The following SH3RF3 variants were observed in gnomAD, a reference collection of about 807,000 sequenced individuals.
SH3RF3 encodes SH3 domain containing ring finger 3.
SH3RF3 carries 29 observed loss-of-function variants against 66.3 expected under a neutral mutation model. That is an observed-to-expected ratio of 0.44 (90% CI 0.33 to 0.60). The LOEUF (loss-of-function observed/expected upper bound fraction) is 0.60, where lower values mean the gene tolerates loss of function less well. Among genes scored for constraint, SH3RF3 ranks in the 20% least tolerant of loss-of-function variants. SH3RF3 has a pLI of 0.04. For missense variants in SH3RF3, 1,194 were observed against 1,190.9 expected, an observed-to-expected ratio of 1.00 and a Z score of -0.04; for synonymous variants, 583 against 532.0, an observed-to-expected ratio of 1.10 and a Z score of -1.32.
chr2:109,227,695 T>TCA (rs1260133280), intron 1 of SH3RF3, among the ~76,000 whole-genome samples: 1 of 152,196 alleles, frequency 6.6e-6, no homozygotes, highest in Non-Finnish European at 1.5e-5. Context: ...TCCCTGCAGG[T>TCA]CACAGGATCC....
At chr2:109,455,886 G>A (rs914329147) in intron 8 of SH3RF3, among the ~76,000 whole-genome samples, 5 of 152,180 alleles carry the variant, frequency 3.3e-5, no homozygotes, top group African/African-American at 4.8e-5. Context: ...GGGTGGGGAG[G>A]GGCCTGCTGT....
chr2:109,336,747 A>G (rs145512398), intron 1 of SH3RF3, among the ~76,000 whole-genome samples: 3 of 152,388 alleles, frequency 2.0e-5, no homozygotes, highest in African/African-American at 4.8e-5. Context: ...GATTTCCATT[A>G]CAAAGTTGGC....
intron 8 of SH3RF3, among the ~76,000 whole-genome samples, chr2:109,486,374 C>T (rs775583748): frequency 5.3e-5 from 8 of 152,120 alleles, no homozygotes; most frequent in East Asian, 3.9e-4. Flanking sequence ...CTCAGTGGTT[C>T]GGGTGCTCTC....
intron 3 of SH3RF3, among the ~76,000 whole-genome samples, chr2:109,381,769 G>A (rs1261095908): frequency 2.0e-5 from 3 of 152,080 alleles, no homozygotes; most frequent in South Asian, 4.1e-4. Context: ...CTCTCGCTTC[G>A]CAGAAGGGGA....
intron 1 of SH3RF3, among the ~76,000 whole-genome samples, chr2:109,331,838 A>C (rs1682293996): frequency 6.6e-6 from 1 of 152,154 alleles, no homozygotes; most frequent in Admixed American, 6.5e-5. Flanking sequence ...TGCCAGGGGC[A>C]CCCTGTCATG....
chr2:109,455,118 A>T (rs1237048055), intron 8 of SH3RF3, among the ~76,000 whole-genome samples: 1 of 152,164 alleles, frequency 6.6e-6, no homozygotes, highest in Non-Finnish European at 1.5e-5. Flanking sequence ...TGGCATGGGA[A>T]TGCTGGCCTC....
intron 1 of SH3RF3, among the ~76,000 whole-genome samples, chr2:109,250,789 A>G (rs1394403340): frequency 6.6e-6 from 1 of 151,952 alleles, no homozygotes; most frequent in Non-Finnish European, 1.5e-5. Flanking sequence ...AAGTGCTTCA[A>G]TAGGGAATTA....
intron 1 of SH3RF3, among the ~76,000 whole-genome samples, chr2:109,174,729 C>T (rs985331595): frequency 4.6e-5 from 7 of 152,224 alleles, no homozygotes; most frequent in African/African-American, 1.4e-4. Context: ...TTTAACCCAG[C>T]GTCTTTGGAG....
chr2:109,277,296 C>T (rs1680778886), intron 1 of SH3RF3, among the ~76,000 whole-genome samples: 1 of 152,190 alleles, frequency 6.6e-6, no homozygotes, highest in Admixed American at 6.5e-5. Context: ...ATCAGGATCA[C>T]TGAGGTTTGC....
chr2:109,241,616 C>A (rs1379281897), intron 1 of SH3RF3, among the ~76,000 whole-genome samples: 2 of 152,114 alleles, frequency 1.3e-5, no homozygotes, highest in East Asian at 3.9e-4. Flanking sequence ...GTCAGCTCTG[C>A]TGGGAGGGCC....
chr2:109,253,129 G>A (rs1680134704), intron 1 of SH3RF3, among the ~76,000 whole-genome samples: 1 of 152,092 alleles, frequency 6.6e-6, no homozygotes, highest in Non-Finnish European at 1.5e-5. Flanking sequence ...ACGAGTTCAA[G>A]TGATTCTCCT....
At chr2:109,325,279 A>T (rs1218557051) in intron 1 of SH3RF3, among the ~76,000 whole-genome samples, 1 of 149,966 alleles carries the variant, frequency 6.7e-6, no homozygotes, top group African/African-American at 2.5e-5. Context: ...GTAGAATCCC[A>T]GGAGTCATTG....
At chr2:109,358,304 C>T (rs1042113869) in intron 2 of SH3RF3, among the ~76,000 whole-genome samples, 52 of 152,144 alleles carry the variant, frequency 3.4e-4, no homozygotes, top group African/African-American at 1.1e-3. Flanking sequence ...ACCTACTAAA[C>T]GACATCTTGG....
intron 5 of SH3RF3, among the ~76,000 whole-genome samples, chr2:109,429,829 A>G (rs1160793759): frequency 6.6e-6 from 1 of 152,200 alleles, no homozygotes; most frequent in Admixed American, 6.5e-5. Context: ...GAGCAGAGGT[A>G]GCCCTGCTAG....
intron 4 of SH3RF3, among the ~76,000 whole-genome samples, chr2:109,411,951 C>G (rs1261792759): frequency 6.6e-6 from 1 of 152,236 alleles, no homozygotes; most frequent in African/African-American, 2.4e-5. Context: ...CTCCTGCTGT[C>G]TTTAGGGACA....
chr2:109,209,087 C>T (rs1472558977), intron 1 of SH3RF3, among the ~76,000 whole-genome samples: 1 of 152,198 alleles, frequency 6.6e-6, no homozygotes, highest in African/African-American at 2.4e-5. Flanking sequence ...GTACCTTAAA[C>T]AAAACCCACA....
chr2:109,303,892 T>C (rs1010173472), intron 1 of SH3RF3, among the ~76,000 whole-genome samples: 3 of 152,112 alleles, frequency 2.0e-5, no homozygotes, highest in Admixed American at 1.3e-4. Context: ...AACATTGTTA[T>C]TATTTTTGGT....
At chr2:109,442,934 C>CA (rs1029879557) in intron 7 of SH3RF3, among the ~76,000 whole-genome samples, 1 of 152,100 alleles carries the variant, frequency 6.6e-6, no homozygotes, top group Non-Finnish European at 1.5e-5. Context: ...TAAAAACAAA[C>CA]AAAAAACCAA....
intron 8 of SH3RF3, among the ~76,000 whole-genome samples, chr2:109,467,825 G>A (rs1030347800): frequency 3.9e-5 from 6 of 152,162 alleles, no homozygotes; most frequent in African/African-American, 9.7e-5. Flanking sequence ...GGCTGCACAC[G>A]CAGAGGAACA....
Sources: allele counts gnomAD v4.1 joint callset (sites outside exome capture counted in the v4.1 genomes callset), GRCh38; gene constraint gnomAD v4.1.1; transcripts MANE v1.5; gene names NCBI Gene and HGNC (gene_info 2026-07-23, HGNC 2026-07-21).